The following MPDZ variants were observed in gnomAD, a reference collection of about 807,000 sequenced individuals.
The protein encoded by MPDZ is multiple PDZ domain protein.
Under a neutral mutation model 239.1 loss-of-function variants are expected in MPDZ, and 234 were observed. The ratio of observed to expected loss-of-function variants is 0.98; its 90% confidence interval spans 0.88 to 1.09. The LOEUF (loss-of-function observed/expected upper bound fraction) is 1.09, where lower values mean the gene tolerates loss of function less well. Ranked by LOEUF, MPDZ falls within the 50% of genes least tolerant of loss-of-function variation. MPDZ has a pLI of 0.00. For missense variants in MPDZ, 3,175 were observed against 2,510.0 expected (o/e 1.26, Z -5.66); for synonymous variants, 1,048 against 881.3 (o/e 1.19, Z -3.35).
chr9:13,184,806 T>C (rs542373988), intron 18 of MPDZ, among the ~76,000 whole-genome samples: 1 of 152,126 alleles, frequency 6.6e-6, no homozygotes, highest in African/African-American at 2.4e-5. Flanking sequence ...ATTTATTTAC[T>C]GTAGAGATAA....
intron 36 of MPDZ, among the ~76,000 whole-genome samples, 166 bp from the exon 37 acceptor site, chr9:13,122,336 T>A (rs1188368155): frequency 2.0e-5 from 3 of 152,052 alleles, no homozygotes; most frequent in African/African-American, 7.2e-5. Context: ...TAACAACAAT[T>A]TTTGCTAAAA....
In MPDZ at chr9:13,186,351, C is replaced by T. The variant is rs764099852; in HGVS notation, c.2400G>A (p.Glu800=). The change falls in exon 18 of 47, where the codon GAG becomes GAA. Residue 800 remains glutamate (E), a synonymous_variant. Transcript: ENST00000319217. ...SPEEGYVSAK[E]DSFLYPPHSC... is the part of the protein sequence containing the mutation. ...AGTGTGGTGGGTAGAGAAAGGAATC[C>T]TCCTTAGCAGAAACATAACCTTCTT... is the stretch of plus-strand genomic sequence containing the variant. 1.9e-6 allele frequency: 3 copies of T among 1,588,962 alleles called. No homozygotes were observed. Among genetic ancestry groups the T allele is most frequent in the Non-Finnish European group, 8.6e-7 (1 of 1,166,964 alleles).
At chr9:13,240,444 A>C (rs1965106299) in intron 3 of MPDZ, among the ~76,000 whole-genome samples, 1 of 152,036 alleles carries the variant, frequency 6.6e-6, no homozygotes, top group Admixed American at 6.6e-5. Flanking sequence ...GCATATTTTA[A>C]GTTAATGAAT....
At chr9:13,273,979 G>A (rs1196886282) in intron 1 of MPDZ, among the ~76,000 whole-genome samples, 1 of 151,998 alleles carries the variant, frequency 6.6e-6, no homozygotes, top group Non-Finnish European at 1.5e-5. Context: ...CATTTAGAAA[G>A]GCAGCAATTG....
At chr9:13,136,604 G>T (rs1055426497) in intron 30 of MPDZ, 108 bp downstream of exon 30, 1 of 756,252 alleles carries the variant, frequency 1.3e-6, no homozygotes. Flanking sequence ...GGGATTACAG[G>T]CATGAGCCAG....
Position 13,211,876 on chromosome 9 carries a change from G to T in MPDZ, c.1290+4898C>A, listed in dbSNP as rs1226429285. ...ACTATTATTAGTGGCTATTATGAGT[G>T]GTTTCTATGAGAAGGCTTTTTAACC... On this transcript the variant is annotated intron_variant, in intron 10 of 46. Transcript: ENST00000319217. 1.3e-5 allele frequency among the ~76,000 whole-genome samples: 2 copies of T among 151,850 alleles called. 1 individual carries two copies. Among genetic ancestry groups the T allele is most frequent in the Admixed American group, 1.3e-4 (2 of 15,212 alleles).
chr9:13,229,090 T>C (rs1381573284), intron 3 of MPDZ, among the ~76,000 whole-genome samples: 1 of 152,140 alleles, frequency 6.6e-6, no homozygotes, highest in Non-Finnish European at 1.5e-5. Flanking sequence ...CAAGAAAACA[T>C]AATTTATCTT....
At chr9:13,241,260 G>A (rs764700139) in intron 3 of MPDZ, among the ~76,000 whole-genome samples, 11 of 151,992 alleles carry the variant, frequency 7.2e-5, no homozygotes, top group African/African-American at 2.7e-4. Context: ...CTAGAGTCTC[G>A]AGAAATAGAT....
intron 1 of MPDZ, among the ~76,000 whole-genome samples, chr9:13,269,547 C>G (rs1972510612): frequency 6.6e-6 from 1 of 152,154 alleles, no homozygotes; most frequent in Non-Finnish European, 1.5e-5. Flanking sequence ...TTGCCATGAT[C>G]CTTTCTTATT....
chr9:13,259,048 C>A (rs926890793), intron 1 of MPDZ, among the ~76,000 whole-genome samples: 3 of 149,904 alleles, frequency 2.0e-5, no homozygotes, highest in African/African-American at 7.3e-5. Context: ...CCAATTTTAT[C>A]TGAAATTCAA....
At chr9:13,224,011 G>A (rs954432787) in intron 4 of MPDZ, among the ~76,000 whole-genome samples, 1 of 151,530 alleles carries the variant, frequency 6.6e-6, no homozygotes, top group Non-Finnish European at 1.5e-5. Context: ...TCCAGTGTGG[G>A]TGACAGAGCA....
chr9:13,136,883 G>C, intron 29 of MPDZ, 80 bp from the exon 30 acceptor site: 1 of 732,266 alleles, frequency 1.4e-6, no homozygotes, highest in East Asian at 3.0e-5. Flanking sequence ...TTAATGAAAA[G>C]CACATTTTTT....
intron 42 of MPDZ, among the ~76,000 whole-genome samples, chr9:13,112,489 T>G (rs1942663204): frequency 6.6e-6 from 1 of 152,198 alleles, no homozygotes; most frequent in African/African-American, 2.4e-5. Context: ...ATGCTGGAAC[T>G]TGGAATAAGT....
rs772819227 is a variant in MPDZ at position 13,139,991 on chromosome 9, G to T, written c.3999C>A (p.Ser1333Arg). The part of the protein sequence containing the change: ...DVDKEDEFGY[S>R]WKNIRERYGT... ...CATCACAAAAACACAACTTACTCCA[G>T]CTGTAACCAAACTCATCCTCTTTGT... The change falls in exon 28 of 47, where the codon AGC becomes AGA. Residue 1333 changes from serine to arginine, a missense_variant. Coordinates refer to ENST00000319217, the MANE Select transcript of MPDZ (RefSeq NM_001378778.1). The T allele has an allele frequency of 3.1e-6, 5 of 1,613,282 alleles. No homozygotes were observed. The East Asian group carries it at 1.1e-4, about 36-fold the overall frequency.
chr9:13,184,400 A>T (rs962982656), intron 18 of MPDZ, among the ~76,000 whole-genome samples: 3 of 151,918 alleles, frequency 2.0e-5, no homozygotes, highest in Non-Finnish European at 4.4e-5. Context: ...TCTTGGCAAA[A>T]TTCCATATGT....
At chr9:13,182,851 C>T (rs1953543097) in intron 19 of MPDZ, among the ~76,000 whole-genome samples, 1 of 152,030 alleles carries the variant, frequency 6.6e-6, no homozygotes, top group South Asian at 2.1e-4. Flanking sequence ...ATATAAATGG[C>T]ACAGATATGT....
chr9:13,188,747 T>C (rs772938088), intron 17 of MPDZ, 37 bp downstream of exon 17: 47 of 1,572,426 alleles, frequency 3.0e-5, no homozygotes, highest in Non-Finnish European at 4.0e-5. Flanking sequence ...ATTTTGCTTA[T>C]AAATATAAAG....
intron 12 of MPDZ, among the ~76,000 whole-genome samples, chr9:13,203,916 T>C (rs1317957084): frequency 3.9e-5 from 6 of 152,106 alleles, no homozygotes; most frequent in African/African-American, 1.4e-4. Flanking sequence ...ATTTTACCCT[T>C]TCCTACAATT....
chr9:13,235,731 A>T (rs1963764080), intron 3 of MPDZ, among the ~76,000 whole-genome samples: 1 of 152,206 alleles, frequency 6.6e-6, no homozygotes, highest in Admixed American at 6.5e-5. Context: ...ATCAAAATGT[A>T]AATTTTCTGC....
Sources: gnomAD v4.1 joint callset for allele counts (sites outside exome capture counted in the v4.1 genomes callset) on GRCh38, gnomAD v4.1.1 for gene constraint, MANE v1.5 for transcripts, NCBI Gene and HGNC (gene_info 2026-07-23, HGNC 2026-07-21) for gene names.